KCNIP1: variants seen among roughly 807,000 people sequenced by gnomAD.
KCNIP1 encodes the protein A-type potassium channel modulatory protein KCNIP1.
A neutral mutation model predicts 33.0 loss-of-function variants in KCNIP1; 18 were observed. The observed-to-expected ratio is 0.55, with a 90% CI of 0.38 to 0.81. KCNIP1 has a LOEUF of 0.81. Among genes scored for constraint, KCNIP1 ranks in the 30% least tolerant of loss-of-function variants. The pLI, the probability that KCNIP1 is intolerant of heterozygous loss-of-function variation, is 0.00. For synonymous variants in KCNIP1, 93 were observed against 98.3 expected (o/e 0.95, Z 0.32); for missense variants, 238 against 271.6 (o/e 0.88, Z 0.87).
intron 1 of KCNIP1, among the ~76,000 whole-genome samples, chr5:170,697,303 A>G (rs1762930159): frequency 6.6e-6 from 1 of 152,126 alleles, no homozygotes; most frequent in Non-Finnish European, 1.5e-5. Flanking sequence ...TTCTTAGGTT[A>G]AGTCCCTCAT....
intron 1 of KCNIP1, among the ~76,000 whole-genome samples, chr5:170,424,561 C>A (rs921931492): frequency 6.6e-6 from 1 of 152,094 alleles, no homozygotes; most frequent in Non-Finnish European, 1.5e-5. Flanking sequence ...AGAATCCTTT[C>A]GGCTGGGGCT....
intron 1 of KCNIP1, among the ~76,000 whole-genome samples, chr5:170,475,046 T>C (rs1035214728): frequency 3.3e-5 from 5 of 152,198 alleles, no homozygotes; most frequent in Admixed American, 2.0e-4. Context: ...CTTTACAGAG[T>C]GCTGATTGGT....
intron 1 of KCNIP1, chr5:170,378,180 A>G (rs1581125456): frequency 6.6e-6 from 1 of 152,580 alleles, no homozygotes; most frequent in South Asian, 2.1e-4. Context: ...TTTGGCATAC[A>G]TTTATTAATA....
chr5:170,638,859 A>G (rs2113691551), intron 1 of KCNIP1, among the ~76,000 whole-genome samples: 1 of 152,276 alleles, frequency 6.6e-6, no homozygotes, highest in South Asian at 2.1e-4. Flanking sequence ...CTGGGAGGCA[A>G]TGTCCATTAA....
At chr5:170,354,165 G>T (rs528062638) in intron 1 of KCNIP1, among the ~76,000 whole-genome samples, 1 of 152,194 alleles carries the variant, frequency 6.6e-6, no homozygotes, top group Non-Finnish European at 1.5e-5. Flanking sequence ...AACTCAGCTG[G>T]CTGTAATTGC....
At chr5:170,654,071 C>T (rs1486061721) in intron 1 of KCNIP1, among the ~76,000 whole-genome samples, 1 of 152,138 alleles carries the variant, frequency 6.6e-6, no homozygotes, top group African/African-American at 2.4e-5. Context: ...CTGTCACTCC[C>T]TCCTCTCATT....
chr5:170,403,427 C>T (rs570925695), intron 1 of KCNIP1, among the ~76,000 whole-genome samples: 50 of 152,224 alleles, frequency 3.3e-4, no homozygotes, highest in African/African-American at 1.2e-3. Context: ...GTTTAAAGTC[C>T]TTTTGTGTGC....
At chr5:170,617,934 A>G (rs11958675) in intron 1 of KCNIP1, among the ~76,000 whole-genome samples, 86,978 of 151,962 alleles carry the variant, frequency 0.57, 25,149 homozygotes, top group Middle Eastern at 0.67. Flanking sequence ...AGAGAATTAC[A>G]ACCGGAGATA....
At chr5:170,673,267 G>A (rs4867626) in intron 1 of KCNIP1, among the ~76,000 whole-genome samples, 11,568 of 152,300 alleles carry the variant, frequency 0.076, 520 homozygotes, top group Non-Finnish European at 0.087. Flanking sequence ...AAACTTTGGA[G>A]TCAGACAGAC....
Position 170,572,009 on chromosome 5 carries a change from C to T in KCNIP1, c.61+67376C>T, listed in dbSNP as rs763058804. On this transcript the variant is annotated intron_variant, in intron 1 of 7. Transcript: ENST00000328939. ...TATAAGACAAATAGCACCCTACGCA[C>T]AGTAATGACAGCCCAAGTAGTCTAC... Among the ~76,000 whole-genome samples, 47 of 152,116 alleles carry T rather than the reference C, an allele frequency of 3.1e-4. 1 individual carries two copies. The highest frequency in any genetic ancestry group is 6.0e-4 in the Non-Finnish European group (41 of 68,024).
intron 1 of KCNIP1, among the ~76,000 whole-genome samples, chr5:170,625,249 C>A (rs748316055): frequency 6.6e-6 from 1 of 152,152 alleles, no homozygotes; most frequent in Non-Finnish European, 1.5e-5. Flanking sequence ...CACGTGTGCA[C>A]ACGTGTGCAG....
chr5:170,450,077 C>T (rs1226354369), intron 1 of KCNIP1, among the ~76,000 whole-genome samples: 1 of 152,084 alleles, frequency 6.6e-6, no homozygotes, highest in Non-Finnish European at 1.5e-5. Flanking sequence ...ATCATCCATG[C>T]TCAGGACTGC....
chr5:170,476,541 G>T (rs1306550583), intron 1 of KCNIP1, among the ~76,000 whole-genome samples: 2 of 152,064 alleles, frequency 1.3e-5, no homozygotes, highest in African/African-American at 4.8e-5. Context: ...AAAAATTTTT[G>T]TTTAGCCTTA....
chr5:170,608,794 T>G (rs1001271502), intron 1 of KCNIP1, among the ~76,000 whole-genome samples: 1 of 151,530 alleles, frequency 6.6e-6, no homozygotes, highest in Non-Finnish European at 1.5e-5. Flanking sequence ...AAGACAAAAT[T>G]AGTGTGGGAA....
At chr5:170,608,133 G>A (rs1561715164) in intron 1 of KCNIP1, among the ~76,000 whole-genome samples, 1 of 152,058 alleles carries the variant, frequency 6.6e-6, no homozygotes, top group African/African-American at 2.4e-5. Flanking sequence ...TCCTTCTCCA[G>A]CCCCCCATTA....
chr5:170,394,715 T>C (rs1320391954), intron 1 of KCNIP1, among the ~76,000 whole-genome samples: 2 of 152,180 alleles, frequency 1.3e-5, no homozygotes, highest in Non-Finnish European at 2.9e-5. Context: ...GTGAACATAG[T>C]ACCCAAAAAG....
intron 1 of KCNIP1, among the ~76,000 whole-genome samples, chr5:170,612,424 C>T (rs910999748): frequency 2.0e-5 from 3 of 152,218 alleles, no homozygotes; most frequent in African/African-American, 4.8e-5. Flanking sequence ...GCTCTCCTGG[C>T]GGCTCCCTTT....
chr5:170,617,273 G>A (rs571266857), intron 1 of KCNIP1, among the ~76,000 whole-genome samples: 1 of 152,134 alleles, frequency 6.6e-6, no homozygotes, highest in South Asian at 2.1e-4. Flanking sequence ...AGGAGAGAAG[G>A]CATGAAGGCA....
intron 1 of KCNIP1, among the ~76,000 whole-genome samples, chr5:170,524,697 G>A (rs921888750): frequency 5.9e-5 from 9 of 152,114 alleles, no homozygotes; most frequent in African/African-American, 1.2e-4. Flanking sequence ...GGGGCGGGGC[G>A]GGAATTCAGT....
Sources: allele counts gnomAD v4.1 joint callset (sites outside exome capture counted in the v4.1 genomes callset), GRCh38; gene constraint gnomAD v4.1.1; transcripts MANE v1.5; gene names NCBI Gene and HGNC (gene_info 2026-07-23, HGNC 2026-07-21).